Variants in PPP2R2B observed in about 807,000 individuals in gnomAD.
The protein encoded by PPP2R2B is serine/threonine-protein phosphatase 2A 55 kDa regulatory subunit B beta isoform.
Under a neutral mutation model 46.0 loss-of-function variants are expected in PPP2R2B, and 5 were observed. That is an observed-to-expected ratio of 0.11 (90% confidence interval 0.06 to 0.23). The LOEUF (loss-of-function observed/expected upper bound fraction) is 0.23, where lower values mean the gene tolerates loss of function less well. Ranked by LOEUF, PPP2R2B falls within the 10% of genes least tolerant of loss-of-function variation. The probability of loss-of-function intolerance (pLI) is 1.00; values close to 1 mark genes in which losing one functional copy is unlikely to be tolerated. For synonymous variants in PPP2R2B, 215 were observed against 206.7 expected (o/e 1.04, Z -0.34); for missense variants, 367 against 575.0 (o/e 0.64, Z 3.70).
chr5:146,626,181 A>AG lies in PPP2R2B; in HGVS notation c.790+12069dup, dbSNP rs1774052097. On this transcript the variant is annotated intron_variant, in intron 7 of 9. Transcript: ENST00000394411. ...TACAGCAGCCATAGGAAGCTAATAC[A>AG]GAGAGAAAGAGGTGAACTTTGATTT... Among the ~76,000 whole-genome samples the AG allele has an allele frequency of 2.0e-5, 3 of 152,204 alleles. No individual in the cohort carries two copies. In the Admixed American group the frequency reaches 2.0e-4, roughly 10 times the overall value.
intron 7 of PPP2R2B, among the ~76,000 whole-genome samples, chr5:146,616,693 G>C (rs886270578): frequency 2.0e-5 from 3 of 152,158 alleles, no homozygotes; most frequent in African/African-American, 4.8e-5. Context: ...TCTGACCCTA[G>C]TTAAAATGGC....
rs182733685 is a variant in PPP2R2B, at chr5:147,034,154, T to G, written c.79+21511A>C. ...GCTAACATAGTAAGCTCATTATTGC[T>G]TAAGGTCCCTTTTACTTGCTTTTCC... On this transcript the variant is annotated intron_variant, in intron 1 of 8. Transcript: ENST00000336640. Among the ~76,000 whole-genome samples the G allele has an allele frequency of 3.5e-3, 530 of 152,272 alleles. 3 individuals carry two copies. The highest frequency in any genetic ancestry group is 4.8e-3 in the Non-Finnish European group (327 of 68,016).
At chr5:146,600,087 A>G (rs1026617994) in intron 8 of PPP2R2B, among the ~76,000 whole-genome samples, 3 of 152,214 alleles carry the variant, frequency 2.0e-5, no homozygotes, top group African/African-American at 7.2e-5. Context: ...TGCTCTGTCC[A>G]TATCAATTAA....
At chr5:147,007,895 G>A (rs780639523) in intron 1 of PPP2R2B, among the ~76,000 whole-genome samples, 1 of 152,128 alleles carries the variant, frequency 6.6e-6, no homozygotes, top group Non-Finnish European at 1.5e-5. Context: ...TCACTGTGAG[G>A]GTCCGCGGCT....
chr5:146,930,212 C>T (rs1246615920), intron 1 of PPP2R2B, among the ~76,000 whole-genome samples: 1 of 152,070 alleles, frequency 6.6e-6, no homozygotes, highest in Admixed American at 6.6e-5. Flanking sequence ...ATACTGAGAG[C>T]TGGTCAGTGA....
At chr5:146,870,560 T>G (rs1382030739) in intron 2 of PPP2R2B, among the ~76,000 whole-genome samples, 2 of 152,184 alleles carry the variant, frequency 1.3e-5, no homozygotes, top group African/African-American at 2.4e-5. Context: ...AAAATTTCTG[T>G]TATTTAGGCA....
intron 2 of PPP2R2B, among the ~76,000 whole-genome samples, chr5:146,709,288 G>T (rs1261411712): frequency 6.6e-6 from 1 of 152,250 alleles, no homozygotes; most frequent in South Asian, 2.1e-4. Context: ...TTAAAAAATG[G>T]GCACTGCTTA....
intron 1 of PPP2R2B, among the ~76,000 whole-genome samples, chr5:146,991,541 T>C (rs1054654168): frequency 3.2e-4 from 49 of 152,150 alleles, no homozygotes; most frequent in Non-Finnish European, 1.2e-4. Context: ...AATAACAATG[T>C]AGTGTATATT....
intron 1 of PPP2R2B, among the ~76,000 whole-genome samples, chr5:147,018,549 T>C (rs1755116712): frequency 6.6e-6 from 1 of 152,202 alleles, no homozygotes; most frequent in Non-Finnish European, 1.5e-5. Context: ...ATTTCTAAGG[T>C]CCTTTCTGAA....
chr5:146,802,227 T>C (rs115087584), intron 2 of PPP2R2B, among the ~76,000 whole-genome samples: 99 of 152,332 alleles, frequency 6.5e-4, no homozygotes, highest in African/African-American at 2.3e-3. Flanking sequence ...CCAAATTTGC[T>C]TTCCCTGCTC....
chr5:147,065,926 C>T (rs1330428555), intron 2 of PPP2R2B, among the ~76,000 whole-genome samples: 4 of 152,184 alleles, frequency 2.6e-5, no homozygotes, highest in African/African-American at 9.6e-5. Context: ...CTTGTAACAT[C>T]CCTGTGAGAT....
At chr5:146,788,775 A>T in intron 2 of PPP2R2B, among the ~76,000 whole-genome samples, 1 of 152,138 alleles carries the variant, frequency 6.6e-6, no homozygotes, top group Non-Finnish European at 1.5e-5. Flanking sequence ...TACTCTTTAA[A>T]TATAATCCTT....
chr5:146,786,142 A>T (rs1210908436), intron 2 of PPP2R2B, among the ~76,000 whole-genome samples: 1 of 152,148 alleles, frequency 6.6e-6, no homozygotes, highest in East Asian at 1.9e-4. Context: ...TATCACATGT[A>T]CCCCATAAAT....
chr5:146,942,759 T>TC (rs1764360652), intron 1 of PPP2R2B, among the ~76,000 whole-genome samples: 1 of 152,124 alleles, frequency 6.6e-6, no homozygotes. Flanking sequence ...AAATTCTAAA[T>TC]CATGGCATTT....
intron 7 of PPP2R2B, among the ~76,000 whole-genome samples, chr5:146,631,774 A>G (rs553819247): frequency 2.6e-4 from 40 of 152,278 alleles, no homozygotes; most frequent in African/African-American, 8.9e-4. Context: ...TCGAGACCCA[A>G]TGCACAGGTT....
chr5:146,773,824 T>G (rs997274244), intron 2 of PPP2R2B, among the ~76,000 whole-genome samples: 5 of 152,226 alleles, frequency 3.3e-5, no homozygotes, highest in African/African-American at 1.2e-4. Context: ...TGCCATGAGT[T>G]TTTTGTTTAA....
chr5:146,793,425 A>G (rs1010183733), intron 2 of PPP2R2B, among the ~76,000 whole-genome samples: 2 of 152,246 alleles, frequency 1.3e-5, no homozygotes. Context: ...AAGTCACAAG[A>G]GTAGATGAAA....
At chr5:146,851,802 T>C (rs1028902491) in intron 2 of PPP2R2B, among the ~76,000 whole-genome samples, 3 of 152,012 alleles carry the variant, frequency 2.0e-5, no homozygotes, top group African/African-American at 7.3e-5. Context: ...AGAGCAGCTG[T>C]TTCATTTCAA....
intron 2 of PPP2R2B, among the ~76,000 whole-genome samples, chr5:147,077,164 TTATTA>T: frequency 6.8e-6 from 1 of 146,062 alleles, no homozygotes; most frequent in East Asian, 2.0e-4. Context: ...ATATTGTATA[TTATTA>T]TATATGTATA....
Sources: gnomAD v4.1 joint callset for allele counts (sites outside exome capture counted in the v4.1 genomes callset) on GRCh38, gnomAD v4.1.1 for gene constraint, MANE v1.5 for transcripts, NCBI Gene and HGNC (gene_info 2026-07-23, HGNC 2026-07-21) for gene names.